Variants in DCAF6 observed in about 807,000 individuals in gnomAD.
DCAF6 encodes the protein DDB1- and CUL4-associated factor 6.
Under a neutral mutation model 125.1 loss-of-function variants are expected in DCAF6, and 54 were observed. That is an observed-to-expected ratio of 0.43 (90% CI 0.35 to 0.54). The LOEUF (loss-of-function observed/expected upper bound fraction) is 0.54, where lower values mean the gene tolerates loss of function less well. DCAF6 is among the 20% of genes least tolerant of loss of function. The pLI, the probability that DCAF6 is intolerant of heterozygous loss-of-function variation, is 0.01. For missense variants in DCAF6, 934 were observed against 1,161.7 expected (o/e 0.80, Z 2.85); for synonymous variants, 371 against 390.4 (o/e 0.95, Z 0.58).
chr1:167,957,047 G>A (rs1674892243), intron 2 of DCAF6, among the ~76,000 whole-genome samples: 1 of 152,048 alleles, frequency 6.6e-6, no homozygotes, highest in South Asian at 2.1e-4. Flanking sequence ...GTTGTTACAA[G>A]CATGATGATA....
chr1:167,938,907 C>T (rs1187804972), intron 1 of DCAF6, among the ~76,000 whole-genome samples: 1 of 152,126 alleles, frequency 6.6e-6, no homozygotes, highest in Non-Finnish European at 1.5e-5. Context: ...GAAGGGTTCA[C>T]TGACTATATT....
intron 20 of DCAF6, among the ~76,000 whole-genome samples, chr1:168,066,721 A>G (rs1449244303): frequency 6.6e-6 from 1 of 152,190 alleles, no homozygotes; most frequent in African/African-American, 2.4e-5. Flanking sequence ...TTTAAGAAAA[A>G]CAGGTTTGAG....
the DCAF6 span, among the ~76,000 whole-genome samples, chr1:167,924,237 T>C: frequency 5.3e-5 from 8 of 152,282 alleles, no homozygotes; most frequent in South Asian, 1.4e-3. Context: ...TGAAATTTCA[T>C]GTCCATGTGG....
At chr1:168,032,185 T>C (rs992860604) in intron 12 of DCAF6, among the ~76,000 whole-genome samples, 1 of 152,220 alleles carries the variant, frequency 6.6e-6, no homozygotes, top group African/African-American at 2.4e-5. Flanking sequence ...TGTACTAAAA[T>C]TGCACTTTGT....
rs369105281 is a variant in DCAF6 at position 168,072,167 on chromosome 1, C to T, written c.2792-3204C>T. Among the ~76,000 whole-genome samples the T allele has an allele frequency of 6.2e-4, 94 of 151,526 alleles. 1 individual carries two copies. Among genetic ancestry groups the T allele is most frequent in the African/African-American group, 2.1e-3 (88 of 41,330 alleles). ...CAAAAATTAGCTGGGTGTGGTGGCG[C>T]GTGCCTGTAGTCCCAGCTACTTGGG... On this transcript the variant is annotated intron_variant, in intron 21 of 21. Transcript: ENST00000367840.
chr1:167,880,641 ATGGACAG>A, the DCAF6 span: 1 of 1,514,846 alleles, frequency 6.6e-7, no homozygotes, highest in South Asian at 1.1e-5. Flanking sequence ...ACCACAGCTG[ATGGACAG>A]TGTGCTTTAA....
the DCAF6 span, among the ~76,000 whole-genome samples, chr1:167,877,732 G>T: frequency 6.6e-6 from 1 of 152,184 alleles, no homozygotes; most frequent in Admixed American, 6.5e-5. Flanking sequence ...GGGGGAAAGA[G>T]CTTAACTGTC....
chr1:168,031,288 T>G (rs1354057571), intron 12 of DCAF6, among the ~76,000 whole-genome samples: 3 of 152,150 alleles, frequency 2.0e-5, no homozygotes, highest in African/African-American at 7.2e-5. Context: ...TAAAGGAGAT[T>G]GAGAAGAAGC....
At chr1:167,982,325 T>C (rs1679313637) in intron 4 of DCAF6, among the ~76,000 whole-genome samples, 1 of 152,086 alleles carries the variant, frequency 6.6e-6, no homozygotes, top group Non-Finnish European at 1.5e-5. Context: ...CACAGCAACC[T>C]CCTCTTCCTG....
the DCAF6 span, chr1:167,893,770 G>GTT: frequency 2.2e-4 from 163 of 740,056 alleles, no homozygotes; most frequent in East Asian, 3.2e-4. Flanking sequence ...AGTAGCTGCT[G>GTT]TTTTTTTTTT....
the DCAF6 span, chr1:167,875,217 G>C: frequency 2.5e-6 from 4 of 1,606,452 alleles, no homozygotes; most frequent in Non-Finnish European, 3.4e-6. Flanking sequence ...ACAGATGCTA[G>C]ATTCAAAACA....
chr1:167,885,198 ACT>A, the DCAF6 span, among the ~76,000 whole-genome samples: 1 of 152,186 alleles, frequency 6.6e-6, no homozygotes, highest in Non-Finnish European at 1.5e-5. Flanking sequence ...GTTGATGGAC[ACT>A]TAAGCTGCTT....
At chr1:167,904,316 G>A in the DCAF6 span, among the ~76,000 whole-genome samples, 3 of 152,076 alleles carry the variant, frequency 2.0e-5, no homozygotes, top group Non-Finnish European at 4.4e-5. Context: ...TCGAACTCCT[G>A]ACCTTGTGAT....
chr1:167,935,950 G>A (rs1450985713), upstream of DCAF6: 4 of 819,300 alleles, frequency 4.9e-6, no homozygotes, highest in Non-Finnish European at 8.0e-6. Context: ...ACTCGCGTCC[G>A]CCTCTCGCCT....
At chr1:168,055,642 A>G (rs1239081878) in intron 17 of DCAF6, among the ~76,000 whole-genome samples, 4 of 100,822 alleles carry the variant, frequency 4.0e-5, no homozygotes, top group Non-Finnish European at 7.3e-5. Context: ...AGTTTTTACC[A>G]TGGATAATTT....
intron 2 of DCAF6, among the ~76,000 whole-genome samples, chr1:167,964,348 G>C (rs1414856495): frequency 6.6e-6 from 1 of 152,114 alleles, no homozygotes; most frequent in Non-Finnish European, 1.5e-5. Flanking sequence ...GCTTTGTTTT[G>C]TTTCCGTTAC....
At chr1:168,059,005 AT>A (rs148178916) in intron 17 of DCAF6, among the ~76,000 whole-genome samples, 6 of 151,450 alleles carry the variant, frequency 4.0e-5, no homozygotes, top group African/African-American at 1.2e-4. Flanking sequence ...CTATTTTATG[AT>A]TTTTTTCACT....
chr1:168,003,540 T>C (rs1682924372), intron 8 of DCAF6, among the ~76,000 whole-genome samples: 1 of 152,160 alleles, frequency 6.6e-6, no homozygotes, highest in Admixed American at 6.5e-5. Context: ...TTCATGAGCC[T>C]TTCTTGGCTG....
At chr1:167,974,338 T>G (rs920660242) in intron 3 of DCAF6, among the ~76,000 whole-genome samples, 17 of 152,310 alleles carry the variant, frequency 1.1e-4, no homozygotes, top group Admixed American at 9.1e-4. Flanking sequence ...TTTATTACTG[T>G]CACAGTAATT....
Sources: allele counts gnomAD v4.1 joint callset (sites outside exome capture counted in the v4.1 genomes callset), GRCh38; gene constraint gnomAD v4.1.1; transcripts MANE v1.5; gene names NCBI Gene and HGNC (gene_info 2026-07-23, HGNC 2026-07-21).